The following CUL1 variants were observed in gnomAD, a reference collection of about 807,000 sequenced individuals.
CUL1 encodes the protein cullin-1.
CUL1 carries 24 observed loss-of-function variants against 118.0 expected under a neutral mutation model. That is an observed-to-expected ratio of 0.20 (90% confidence interval 0.15 to 0.29). The LOEUF is 0.29. CUL1 is among the 10% of genes least tolerant of loss of function. The pLI, the probability that CUL1 is intolerant of heterozygous loss-of-function variation, is 1.00. For synonymous variants in CUL1, 332 were observed against 340.4 expected, an observed-to-expected ratio of 0.98 and a Z score of 0.27; for missense variants, 361 against 933.8, an observed-to-expected ratio of 0.39 and a Z score of 7.99.
chr7:148,751,205 A>G (rs1799479946), intron 2 of CUL1, among the ~76,000 whole-genome samples: 1 of 152,094 alleles, frequency 6.6e-6, no homozygotes, highest in South Asian at 2.1e-4. Flanking sequence ...GAGCCCAAGA[A>G]TTTTGGACCA....
intron 7 of CUL1, among the ~76,000 whole-genome samples, chr7:148,763,868 T>C (rs1205744746): frequency 2.0e-5 from 3 of 152,220 alleles, no homozygotes; most frequent in African/African-American, 7.2e-5. Context: ...AGAAATACTC[T>C]GCAAATTCTA....
At chr7:148,737,587 T>A (rs1163444568) in intron 2 of CUL1, among the ~76,000 whole-genome samples, 1 of 145,906 alleles carries the variant, frequency 6.9e-6, no homozygotes, top group Non-Finnish European at 1.5e-5. Context: ...TATTTATTTA[T>A]TTATTTATTT....
intron 9 of CUL1, among the ~76,000 whole-genome samples, chr7:148,779,669 C>T (rs181943456): frequency 1.8e-3 from 268 of 152,178 alleles, no homozygotes; most frequent in African/African-American, 6.3e-3. Flanking sequence ...ATGGAATCGA[C>T]GGGATATATG....
chr7:148,760,211 G>T, intron 6 of CUL1, 122 bp from the exon 7 acceptor site: 1 of 713,666 alleles, frequency 1.4e-6, no homozygotes, highest in South Asian at 2.7e-5. Context: ...AGTTACTTAT[G>T]TCCTGCCATT....
At chr7:148,755,687 G>A (rs1232691934) in intron 3 of CUL1, among the ~76,000 whole-genome samples, 2 of 152,194 alleles carry the variant, frequency 1.3e-5, no homozygotes, top group East Asian at 3.8e-4. Flanking sequence ...CATGCCATCA[G>A]TGATATTTTT....
At chr7:148,768,485 A>G (rs1800084732) in intron 9 of CUL1, among the ~76,000 whole-genome samples, 2 of 148,474 alleles carry the variant, frequency 1.3e-5, no homozygotes, top group African/African-American at 5.0e-5. Context: ...CCTGGGTTCA[A>G]GTGATTCTCC....
chr7:148,727,200 C>T (rs1798615882), intron 1 of CUL1, among the ~76,000 whole-genome samples: 1 of 152,086 alleles, frequency 6.6e-6, no homozygotes, highest in Non-Finnish European at 1.5e-5. Flanking sequence ...TGTTTAAACA[C>T]TGTGTTGGGG....
intron 14 of CUL1, among the ~76,000 whole-genome samples, chr7:148,789,330 G>C (rs2058388): frequency 0.19 from 28,946 of 152,160 alleles, 3,537 homozygotes; most frequent in Non-Finnish European, 0.27. Context: ...CCAGTAATAA[G>C]TGAAACATAC....
intron 2 of CUL1, among the ~76,000 whole-genome samples, chr7:148,736,557 C>A (rs1326526912): frequency 1.3e-5 from 2 of 152,198 alleles, no homozygotes; most frequent in Admixed American, 6.5e-5. Flanking sequence ...CCCACCTTGG[C>A]CTCCCAAAGT....
At chr7:148,781,696 A>G (rs1301645182) in intron 9 of CUL1, among the ~76,000 whole-genome samples, 2 of 152,194 alleles carry the variant, frequency 1.3e-5, no homozygotes, top group African/African-American at 4.8e-5. Context: ...AGTCGCAAGC[A>G]AGAGCGTGAG....
At chr7:148,699,426 T>A (rs938451486) in intron 1 of CUL1, among the ~76,000 whole-genome samples, 3 of 151,928 alleles carry the variant, frequency 2.0e-5, no homozygotes, top group South Asian at 2.1e-4. Flanking sequence ...GGCTCGGGCG[T>A]CCGCGCCTCG....
chr7:148,720,262 G>A (rs1157555799), intron 1 of CUL1, among the ~76,000 whole-genome samples: 1 of 152,182 alleles, frequency 6.6e-6, no homozygotes, highest in East Asian at 1.9e-4. Flanking sequence ...CAACAATATG[G>A]AGGATGGATT....
At chr7:148,728,632 T>A (rs1798660644) in intron 1 of CUL1, among the ~76,000 whole-genome samples, 1 of 152,236 alleles carries the variant, frequency 6.6e-6, no homozygotes, top group Non-Finnish European at 1.5e-5. Context: ...TAAATATTTT[T>A]ATATTCCACA....
intron 9 of CUL1, among the ~76,000 whole-genome samples, chr7:148,780,463 G>C (rs775718782): frequency 1.3e-5 from 2 of 152,228 alleles, no homozygotes; most frequent in South Asian, 4.1e-4. Flanking sequence ...TTCATGAGTC[G>C]GAAAGCAGGA....
At chr7:148,706,652 C>T (rs1184394970) in intron 1 of CUL1, among the ~76,000 whole-genome samples, 2 of 109,458 alleles carry the variant, frequency 1.8e-5, no homozygotes, top group Admixed American at 1.5e-4. Flanking sequence ...GGACTTTGCC[C>T]TATACAGGGT....
At chr7:148,751,534 C>CAAA (rs1166826975) in intron 2 of CUL1, among the ~76,000 whole-genome samples, 675 of 65,594 alleles carry the variant, frequency 0.01, 23 homozygotes, top group African/African-American at 0.037. Flanking sequence ...GACTCTGTCT[C>CAAA]AAAAAAAAAA....
intron 17 of CUL1, among the ~76,000 whole-genome samples, chr7:148,796,203 T>C (rs1484769605): frequency 1.3e-5 from 2 of 152,142 alleles, no homozygotes; most frequent in Non-Finnish European, 2.9e-5. Flanking sequence ...CATGCAAGAG[T>C]GTTGTATTTT....
chr7:148,800,800 C>A lies in CUL1; in HGVS notation c.*218C>A. 2.1e-6 allele frequency: 1 copy of A among 485,346 alleles called. No homozygotes were observed. Among genetic ancestry groups the A allele is most frequent in the Non-Finnish European group, 3.7e-6 (1 of 271,528 alleles). The allele number at this position is 485,346 out of a possible 1,614,324, so 30.1% of individuals were successfully genotyped here. ...AATACGGACACCAACGCCATTTACC[C>A]TAATTTAAGAACAGCGGGGACTGAC... is the stretch of plus-strand genomic sequence containing the variant. On this transcript the variant is annotated 3_prime_UTR_variant, in exon 22 of 22. Transcript: ENST00000325222. The surrounding 1 kb of genome is among the most constrained non-coding windows in gnomAD (Gnocchi z 4.6).
chr7:148,781,144 C>T (rs544871024), intron 9 of CUL1, among the ~76,000 whole-genome samples: 22 of 130,288 alleles, frequency 1.7e-4, no homozygotes, highest in African/African-American at 6.4e-4. Flanking sequence ...TGCAGTGGCG[C>T]GATCTCGGCT....
Sources: gnomAD v4.1 joint callset for allele counts (sites outside exome capture counted in the v4.1 genomes callset) on GRCh38, gnomAD v4.1.1 for gene constraint, Gnocchi (gnomAD v3.1) non-coding constraint, MANE v1.5 for transcripts, NCBI Gene and HGNC (gene_info 2026-07-23, HGNC 2026-07-21) for gene names.